The following BMPR1B variants were observed in gnomAD, a reference collection of about 807,000 sequenced individuals.
BMPR1B encodes the protein bone morphogenetic protein receptor type-1B.
Under a neutral mutation model 59.1 loss-of-function variants are expected in BMPR1B, and 12 were observed. That is an observed-to-expected ratio of 0.20 (90% CI 0.13 to 0.33). The LOEUF (loss-of-function observed/expected upper bound fraction) is 0.33, where lower values mean the gene tolerates loss of function less well. BMPR1B is among the 10% of genes least tolerant of loss of function. The probability of loss-of-function intolerance (pLI) is 1.00; values close to 1 mark genes in which losing one functional copy is unlikely to be tolerated. For missense variants in BMPR1B, 550 were observed against 610.9 expected (o/e 0.90, Z 1.05); for synonymous variants, 237 against 207.3 (o/e 1.14, Z -1.23).
intron 10 of BMPR1B, among the ~76,000 whole-genome samples, chr4:95,140,021 G>C (rs1460632544): frequency 6.6e-6 from 1 of 152,186 alleles, no homozygotes; most frequent in Non-Finnish European, 1.5e-5. Context: ...CGCTCATGGT[G>C]GGAGCTATAG....
chr4:94,904,960 T>A (rs139123596), intron 2 of BMPR1B, among the ~76,000 whole-genome samples: 107 of 152,204 alleles, frequency 7.0e-4, no homozygotes, highest in African/African-American at 2.4e-3. Flanking sequence ...GGATTCTCTT[T>A]TCAATAACTC....
intron 3 of BMPR1B, among the ~76,000 whole-genome samples, chr4:95,087,898 ATGT>A (rs1476165312): frequency 6.6e-6 from 1 of 152,116 alleles, no homozygotes; most frequent in Non-Finnish European, 1.5e-5. Context: ...AGTACCATAA[ATGT>A]TGTTTCTTAA....
At position 94,838,121 on chromosome 4, in the gene BMPR1B, G is replaced by T. The variant is rs1411493337; in HGVS notation, c.-182-37710G>T. Among the ~76,000 whole-genome samples the T allele has an allele frequency of 1.4e-5, 2 of 143,358 alleles. 1 individual carries two copies. Among genetic ancestry groups the T allele is most frequent in the Non-Finnish European group, 3.1e-5 (2 of 65,012 alleles). 94.0% of individuals were successfully genotyped at this position (143,358 alleles called of 152,430 possible). ...CCAGGGATGAAGCCCACTTAATCAT[G>T]GTGGATAAGCTTTTTGATGTGCTGC... On this transcript the variant is annotated intron_variant, in intron 1 of 12. Transcript: ENST00000515059.
chr4:94,808,546 TGG>T (rs1366216947), intron 1 of BMPR1B, among the ~76,000 whole-genome samples: 1 of 152,170 alleles, frequency 6.6e-6, no homozygotes, highest in African/African-American at 2.4e-5. Flanking sequence ...GCTTTTTGTA[TGG>T]TTATGGTTTT....
chr4:95,059,668 CTT>C (rs1286292879), intron 3 of BMPR1B, among the ~76,000 whole-genome samples: 2 of 151,604 alleles, frequency 1.3e-5, no homozygotes, highest in African/African-American at 2.4e-5. Flanking sequence ...GTTAAATAAA[CTT>C]AATGACAAAC....
intron 8 of BMPR1B, among the ~76,000 whole-genome samples, chr4:95,126,136 A>G (rs899775137): frequency 1.3e-5 from 2 of 152,134 alleles, no homozygotes; most frequent in African/African-American, 4.8e-5. Flanking sequence ...TTTTATTTTT[A>G]GCACTAATAA....
chr4:94,927,730 C>T (rs1031253956), intron 2 of BMPR1B, among the ~76,000 whole-genome samples: 1 of 152,052 alleles, frequency 6.6e-6, no homozygotes, highest in Admixed American at 6.6e-5. Context: ...AGGGGAGAAC[C>T]ATTGAAAGCT....
At chr4:95,100,144 C>A (rs1664927886) in intron 3 of BMPR1B, among the ~76,000 whole-genome samples, 1 of 152,042 alleles carries the variant, frequency 6.6e-6, no homozygotes, top group Non-Finnish European at 1.5e-5. Context: ...TAAGCTTCGT[C>A]TTCTCTTGGG....
intron 3 of BMPR1B, among the ~76,000 whole-genome samples, chr4:95,037,075 G>C (rs143510760): frequency 3.3e-4 from 51 of 152,244 alleles, no homozygotes; most frequent in African/African-American, 1.2e-3. Context: ...GGGTACATAT[G>C]ATTTGGAGAA....
chr4:95,002,842 A>G (rs558175503), intron 3 of BMPR1B, among the ~76,000 whole-genome samples: 1 of 152,290 alleles, frequency 6.6e-6, no homozygotes, highest in East Asian at 1.9e-4. Context: ...ATCTTTGCTA[A>G]TATGATAGAG....
chr4:94,972,588 T>G (rs1196435598), intron 2 of BMPR1B, among the ~76,000 whole-genome samples: 1 of 152,118 alleles, frequency 6.6e-6, no homozygotes, highest in Non-Finnish European at 1.5e-5. Context: ...TTTAAACATT[T>G]GCATAATATT....
chr4:94,892,736 C>T (rs1231461371), intron 2 of BMPR1B, among the ~76,000 whole-genome samples: 1 of 152,020 alleles, frequency 6.6e-6, no homozygotes, highest in African/African-American at 2.4e-5. Context: ...TCTCAGGTTT[C>T]ATTTAACTAT....
At chr4:94,935,078 G>T (rs1729241319) in intron 2 of BMPR1B, among the ~76,000 whole-genome samples, 1 of 151,946 alleles carries the variant, frequency 6.6e-6, no homozygotes, top group African/African-American at 2.4e-5. Context: ...TCCTAACTAT[G>T]GTATTCATAC....
chr4:94,991,651 G>C (rs900543580), intron 2 of BMPR1B, among the ~76,000 whole-genome samples: 1 of 152,144 alleles, frequency 6.6e-6, no homozygotes, highest in Non-Finnish European at 1.5e-5. Flanking sequence ...GGACAAGTGG[G>C]TTGGAGCTGA....
chr4:95,151,156 TCAAA>T (rs1301641040), intron 11 of BMPR1B, among the ~76,000 whole-genome samples: 2 of 152,204 alleles, frequency 1.3e-5, no homozygotes, highest in African/African-American at 4.8e-5. Context: ...GTTTGAGGTT[TCAAA>T]CAGAGTTAAA....
At chr4:95,047,134 C>T (rs1322849259) in intron 3 of BMPR1B, among the ~76,000 whole-genome samples, 4 of 152,120 alleles carry the variant, frequency 2.6e-5, no homozygotes, top group African/African-American at 7.2e-5. Context: ...ACCCAGTTTC[C>T]CCTGCTATTA....
At chr4:94,814,143 C>T (rs1255695920) in intron 1 of BMPR1B, among the ~76,000 whole-genome samples, 1 of 152,148 alleles carries the variant, frequency 6.6e-6, no homozygotes, top group Admixed American at 6.5e-5. Flanking sequence ...GGATTAAATA[C>T]TTAAAAAGAT....
At chr4:95,123,394 TG>T (rs1019985741) in intron 6 of BMPR1B, among the ~76,000 whole-genome samples, 40 of 152,278 alleles carry the variant, frequency 2.6e-4, no homozygotes, top group Middle Eastern at 6.8e-3. Context: ...ATTATATAGA[TG>T]CTTTTTTATT....
intron 1 of BMPR1B, among the ~76,000 whole-genome samples, chr4:94,875,003 A>G (rs1419328608): frequency 6.6e-6 from 1 of 152,144 alleles, no homozygotes; most frequent in Non-Finnish European, 1.5e-5. Context: ...AAAAAAAATA[A>G]TAATAAATAA....
Sources: gnomAD v4.1 joint callset for allele counts (sites outside exome capture counted in the v4.1 genomes callset) on GRCh38, gnomAD v4.1.1 for gene constraint, MANE v1.5 for transcripts, NCBI Gene and HGNC (gene_info 2026-07-23, HGNC 2026-07-21) for gene names.